GPC6: variants seen among roughly 807,000 people sequenced by gnomAD.
GPC6 encodes the protein glypican-6.
GPC6 carries 14 observed loss-of-function variants against 55.2 expected under a neutral mutation model. The observed-to-expected ratio is 0.25, with a 90% CI of 0.17 to 0.40. GPC6 has a LOEUF of 0.40. Among genes scored for constraint, GPC6 ranks in the 10% least tolerant of loss-of-function variants. The pLI is 1.00. For synonymous variants in GPC6, 278 were observed against 259.6 expected (o/e 1.07, Z -0.68); for missense variants, 641 against 708.5 (o/e 0.90, Z 1.08).
chr13:94,099,620 TA>T (rs1885783869), intron 4 of GPC6, among the ~76,000 whole-genome samples: 1 of 152,226 alleles, frequency 6.6e-6, no homozygotes, highest in Admixed American at 6.5e-5. Context: ...CTTACTTTTA[TA>T]AATGCATTGA....
At chr13:93,602,486 G>A (rs1449976555) in intron 2 of GPC6, among the ~76,000 whole-genome samples, 1 of 152,092 alleles carries the variant, frequency 6.6e-6, no homozygotes, top group Non-Finnish European at 1.5e-5. Context: ...GCTCCAGGGG[G>A]TGCTGTTATT....
At chr13:94,133,788 G>A (rs478384) in intron 4 of GPC6, among the ~76,000 whole-genome samples, 136,334 of 151,914 alleles carry the variant, frequency 0.9, 62,048 homozygotes, top group Non-Finnish European at 0.98. Flanking sequence ...ATTACTGATA[G>A]CAGTACCTCT....
intron 4 of GPC6, among the ~76,000 whole-genome samples, chr13:94,175,333 A>G (rs1408239416): frequency 1.3e-5 from 2 of 152,158 alleles, no homozygotes; most frequent in South Asian, 2.1e-4. Context: ...CAATGTGTCA[A>G]TGATTGAGTA....
intron 1 of GPC6, among the ~76,000 whole-genome samples, chr13:93,474,530 G>T (rs1879235517): frequency 6.6e-6 from 1 of 152,078 alleles, no homozygotes; most frequent in South Asian, 2.1e-4. Flanking sequence ...AGCACCCAGG[G>T]CCAAGTTTTG....
chr13:93,252,099 A>C (rs1249123630), intron 1 of GPC6, among the ~76,000 whole-genome samples: 1 of 152,200 alleles, frequency 6.6e-6, no homozygotes, highest in African/African-American at 2.4e-5. Context: ...ATTCAAACCT[A>C]AACAGGTGGG....
the GPC6 span, among the ~76,000 whole-genome samples, chr13:93,218,931 A>G: frequency 6.6e-6 from 1 of 152,194 alleles, no homozygotes; most frequent in Non-Finnish European, 1.5e-5. Context: ...ATTCATTATA[A>G]AAGAATCAGA....
At chr13:93,561,111 C>A (rs977846013) in intron 2 of GPC6, among the ~76,000 whole-genome samples, 2 of 152,060 alleles carry the variant, frequency 1.3e-5, no homozygotes, top group Non-Finnish European at 2.9e-5. Flanking sequence ...GACTAATGAT[C>A]TTTTTTGTCT....
chr13:93,920,497 A>G (rs1877513281), intron 3 of GPC6, among the ~76,000 whole-genome samples: 2 of 152,196 alleles, frequency 1.3e-5, no homozygotes, highest in Admixed American at 6.5e-5. Flanking sequence ...CAAGTTTAAC[A>G]GGTTCAAAAC....
chr13:93,751,099 A>G (rs1884565860), intron 2 of GPC6, among the ~76,000 whole-genome samples: 1 of 152,152 alleles, frequency 6.6e-6, no homozygotes, highest in South Asian at 2.1e-4. Flanking sequence ...AGAGTTGGCT[A>G]CTTTGCAAGA....
chr13:93,829,208 T>C (rs1003552996), intron 2 of GPC6, among the ~76,000 whole-genome samples: 10 of 152,156 alleles, frequency 6.6e-5, no homozygotes, highest in African/African-American at 1.9e-4. Context: ...CAATTTATAA[T>C]CTCTAAATGA....
intron 2 of GPC6, among the ~76,000 whole-genome samples, chr13:93,751,183 A>AAAC (rs1383129240): frequency 1.3e-5 from 2 of 150,970 alleles, no homozygotes; most frequent in African/African-American, 4.9e-5. Flanking sequence ...ACAAACAAAC[A>AAAC]AACAAAAAAT....
At chr13:93,531,447 A>C (rs1015751058) in intron 1 of GPC6, among the ~76,000 whole-genome samples, 5 of 152,134 alleles carry the variant, frequency 3.3e-5, no homozygotes, top group African/African-American at 1.2e-4. Context: ...TTTCTTCTCC[A>C]GGATGCCTCA....
intron 1 of GPC6, among the ~76,000 whole-genome samples, chr13:93,514,105 C>T (rs1193521099): frequency 2.0e-5 from 3 of 151,958 alleles, no homozygotes; most frequent in Non-Finnish European, 2.9e-5. Context: ...AACTCCTGAC[C>T]TCAGTGATCC....
At position 93,619,540 on chromosome 13, in the gene GPC6, A is replaced by G. The variant is rs565248160; in HGVS notation, c.319+74119A>G. On this transcript the variant is annotated intron_variant, in intron 2 of 8. Transcript: ENST00000377047. The stretch of plus-strand genomic sequence containing the variant: ...TGATCATAACTCACTGTAACCTTCA[A>G]CTCTGGACTCAAATGATCCTCTTGC... 2.3e-4 allele frequency among the ~76,000 whole-genome samples: 35 copies of G among 152,112 alleles called. 1 individual carries two copies. Among genetic ancestry groups the G allele is most frequent in the African/African-American group, 6.7e-4 (28 of 41,502 alleles).
At chr13:93,536,882 AT>A (rs1882084417) in intron 1 of GPC6, among the ~76,000 whole-genome samples, 1 of 152,218 alleles carries the variant, frequency 6.6e-6, no homozygotes, top group Non-Finnish European at 1.5e-5. Flanking sequence ...ACACACATGC[AT>A]ACCAGTGTTT....
intron 2 of GPC6, among the ~76,000 whole-genome samples, chr13:93,639,082 TGAA>T (rs1879808153): frequency 6.6e-6 from 1 of 150,506 alleles, no homozygotes; most frequent in Non-Finnish European, 1.5e-5. Flanking sequence ...AAATAAACAA[TGAA>T]ATAATAAAAA....
At chr13:93,692,292 G>T (rs1245276610) in intron 2 of GPC6, among the ~76,000 whole-genome samples, 1 of 152,032 alleles carries the variant, frequency 6.6e-6, no homozygotes, top group Admixed American at 6.6e-5. Context: ...GAAATTTCAT[G>T]TTCAGTCAAA....
intron 4 of GPC6, among the ~76,000 whole-genome samples, chr13:94,089,309 A>G (rs942483748): frequency 1.3e-5 from 2 of 152,160 alleles, no homozygotes; most frequent in African/African-American, 2.4e-5. Flanking sequence ...GAAACCTTCA[A>G]TCTAGCCAAA....
rs538936714 is a variant in GPC6 at position 93,713,718 on chromosome 13, A to C, written c.320-116436A>C. 4.5e-3 allele frequency among the ~76,000 whole-genome samples: 682 copies of C among 151,620 alleles called. 6 individuals are homozygous for C. The highest frequency in any genetic ancestry group is 0.015 in the African/African-American group (626 of 41,446). On this transcript the variant is annotated intron_variant, in intron 2 of 8. Transcript: ENST00000377047. ...TGATGTTAATTGCCCATTTGTAAAA[A>C]AAATGAGCTGTTTAATACTACTTAA... is the stretch of plus-strand genomic sequence containing the variant.
Sources: gnomAD v4.1 joint callset for allele counts (sites outside exome capture counted in the v4.1 genomes callset) on GRCh38, gnomAD v4.1.1 for gene constraint, MANE v1.5 for transcripts, NCBI Gene and HGNC (gene_info 2026-07-23, HGNC 2026-07-21) for gene names.